The following ELP3 variants were observed in gnomAD, a reference collection of about 807,000 sequenced individuals.
ELP3 encodes elongator acetyltransferase complex subunit 3.
ELP3 carries 56 observed loss-of-function variants against 74.9 expected under a neutral mutation model. That is an observed-to-expected ratio of 0.75 (90% CI 0.60 to 0.93). The LOEUF is 0.93. ELP3 is among the 40% of genes least tolerant of loss of function. ELP3 has a pLI of 0.00. For missense variants in ELP3, 573 were observed against 686.5 expected (o/e 0.83, Z 1.85); for synonymous variants, 222 against 239.8 (o/e 0.93, Z 0.68).
At chr8:28,185,987 T>C (rs1815225354) in intron 14 of ELP3, among the ~76,000 whole-genome samples, 2 of 152,252 alleles carry the variant, frequency 1.3e-5, no homozygotes, top group Admixed American at 1.3e-4. Flanking sequence ...ATGATACTTT[T>C]AGTTAACAAG....
intron 7 of ELP3, among the ~76,000 whole-genome samples, chr8:28,126,421 A>G (rs1050662714): frequency 1.3e-4 from 20 of 152,316 alleles, no homozygotes; most frequent in African/African-American, 4.6e-4. Flanking sequence ...TGCCACTCCT[A>G]TGGCATACAG....
At chr8:28,167,447 C>T (rs947205520) in intron 14 of ELP3, among the ~76,000 whole-genome samples, 3 of 152,208 alleles carry the variant, frequency 2.0e-5, no homozygotes, top group Non-Finnish European at 4.4e-5. Flanking sequence ...GGCTACTACA[C>T]ATCTCCCTCA....
At chr8:28,110,953 C>T (rs1188970593) in intron 6 of ELP3, 1 of 155,314 alleles carries the variant, frequency 6.4e-6, no homozygotes, top group Non-Finnish European at 1.4e-5. Flanking sequence ...GTGGTGTGCA[C>T]CTGAAGTCTT....
chr8:28,101,469 C>T (rs1442672413), intron 3 of ELP3, among the ~76,000 whole-genome samples: 3 of 152,078 alleles, frequency 2.0e-5, no homozygotes, highest in Non-Finnish European at 4.4e-5. Context: ...GTCCATGCCC[C>T]TCACCTCCCT....
At position 28,127,157 on chromosome 8, in the gene ELP3, A is replaced by G. The variant is rs143171957; in HGVS notation, c.618-2345A>G. On this transcript the variant is annotated intron_variant, in intron 7 of 14. Coordinates refer to ENST00000256398, the MANE Select transcript of ELP3 (RefSeq NM_018091.6). The stretch of plus-strand genomic sequence containing the variant: ...AATAAGGTTTCCTTCTGTGGCCTGT[A>G]CTATATTCTGATGACTTATAAAGAG... Among the ~76,000 whole-genome samples the G allele has an allele frequency of 3.1e-3, 474 of 152,312 alleles. 3 individuals carry two copies. The highest frequency in any genetic ancestry group is 0.011 in the African/African-American group (453 of 41,574).
chr8:28,130,172 A>G (rs1328908634), intron 8 of ELP3, among the ~76,000 whole-genome samples: 2 of 152,242 alleles, frequency 1.3e-5, no homozygotes, highest in African/African-American at 2.4e-5. Context: ...CTCTAGAAGT[A>G]TATCTTTTAG....
At position 28,190,008 on chromosome 8, in the gene ELP3, C is replaced by G. The variant is rs1815396876; in HGVS notation, c.*283C>G. ...ATTTTGCATGAGGCCTGCAGGTGGC[C>G]TATTTTGACTCAGACGGTGAAAAAA... On this transcript the variant is annotated 3_prime_UTR_variant, in exon 15 of 15. Transcript: ENST00000256398. 1.3e-5 allele frequency: 4 copies of G among 309,486 alleles called. No homozygotes were observed. In the South Asian group the frequency reaches 2.5e-4, roughly 20 times the overall value. The allele number at this position is 309,486 out of a possible 1,614,324, so 19.2% of individuals were successfully genotyped here. A position where few individuals can be genotyped will look rare whatever the true frequency, so the allele number is the denominator to read the frequency against.
chr8:28,135,562 C>T (rs986693150), intron 9 of ELP3, among the ~76,000 whole-genome samples: 2 of 152,170 alleles, frequency 1.3e-5, no homozygotes, highest in Non-Finnish European at 2.9e-5. Context: ...CTAGACCTTC[C>T]TTTGTACCTG....
At position 28,103,976 on chromosome 8, in the gene ELP3, A is replaced by G. The variant is rs976657398; in HGVS notation, c.259-2737A>G. Among the ~76,000 whole-genome samples, 28 of 152,202 alleles carry G rather than the reference A, an allele frequency of 1.8e-4. 1 individual carries two copies. The highest frequency in any genetic ancestry group is 6.3e-4 in the African/African-American group (26 of 41,454). ...GCTCCTAGGCTCAAGGGATCCTCCC[A>G]GCTTGGTCTCCCAAAGTGCTGTGAT... On this transcript the variant is annotated intron_variant, in intron 3 of 14. Transcript: ENST00000256398.
At chr8:28,151,303 G>GT (rs1813633820) in intron 10 of ELP3, among the ~76,000 whole-genome samples, 1 of 93,434 alleles carries the variant, frequency 1.1e-5, no homozygotes, top group Non-Finnish European at 1.9e-5. Context: ...TGTTTCTTCA[G>GT]ATTTCCATCT....
intron 3 of ELP3, among the ~76,000 whole-genome samples, chr8:28,100,243 G>A (rs982877410): frequency 1.3e-5 from 2 of 152,188 alleles, no homozygotes; most frequent in Admixed American, 6.5e-5. Context: ...ATAAATGTTG[G>A]CCATCTTAAG....
chr8:28,111,824 G>A lies in ELP3; in HGVS notation c.463-1195G>A, dbSNP rs117975775. On this transcript the variant is annotated intron_variant, in intron 6 of 14. Coordinates refer to ENST00000256398, the MANE Select transcript of ELP3 (RefSeq NM_018091.6). ...TACCTGAGTAACTTCTCCAAAACGT[G>A]TCACATCTTCACCTCGGGAGGTTCT... Among the ~76,000 whole-genome samples the A allele has an allele frequency of 4.6e-3, 694 of 152,264 alleles. 5 individuals carry two copies. The highest frequency in any genetic ancestry group is 5.9e-3 in the Non-Finnish European group (402 of 68,022).
At position 28,113,160 on chromosome 8, in the gene ELP3, T is replaced by A. The variant is rs2130398145; in HGVS notation, c.604T>A (p.Tyr202Asn). 2.5e-6 allele frequency: 4 copies of A among 1,613,092 alleles called. No individual in the cohort carries two copies. In the East Asian group the frequency reaches 8.9e-5, roughly 36 times the overall value. ...ALSGHTSNNI[Y>N]EAVKYSERSL... ...ATCAGGACATACTTCCAACAATATT[T>A]ACGAGGCAGTCAAGTAAGAAATTCT... is the stretch of plus-strand genomic sequence containing the variant. Residue 202 changes from tyrosine (Y) to asparagine (N), a missense_variant, in exon 7 of 15, where the codon TAC becomes AAC. Coordinates refer to ENST00000256398, the MANE Select transcript of ELP3 (RefSeq NM_018091.6).
At chr8:28,170,582 A>G (rs1437979847) in intron 14 of ELP3, among the ~76,000 whole-genome samples, 1 of 152,132 alleles carries the variant, frequency 6.6e-6, no homozygotes, top group Non-Finnish European at 1.5e-5. Context: ...CTTCTAGGTA[A>G]TGGAACATAG....
At chr8:28,111,604 G>C (rs1463431842) in intron 6 of ELP3, among the ~76,000 whole-genome samples, 1 of 152,212 alleles carries the variant, frequency 6.6e-6, no homozygotes, top group Non-Finnish European at 1.5e-5. Context: ...CCATCTGGGG[G>C]AGCCCACATT....
chr8:28,173,268 A>G (rs748948813), intron 14 of ELP3, among the ~76,000 whole-genome samples: 84 of 151,904 alleles, frequency 5.5e-4, no homozygotes, highest in Non-Finnish European at 5.9e-4. Flanking sequence ...GCTTTTTCTT[A>G]TTGGGACATT....
chr8:28,126,141 G>C (rs1249798217), intron 7 of ELP3, among the ~76,000 whole-genome samples: 1 of 152,164 alleles, frequency 6.6e-6, no homozygotes, highest in Non-Finnish European at 1.5e-5. Context: ...TAACAAGGCT[G>C]ACTACTTGTA....
At chr8:28,129,164 C>G (rs1812696098) in intron 7 of ELP3, among the ~76,000 whole-genome samples, 1 of 152,066 alleles carries the variant, frequency 6.6e-6, no homozygotes, top group Non-Finnish European at 1.5e-5. Context: ...TCACTGCTTT[C>G]AAGGAGATTA....
chr8:28,172,361 C>T (rs1814563162), intron 14 of ELP3, among the ~76,000 whole-genome samples: 1 of 152,018 alleles, frequency 6.6e-6, no homozygotes, highest in African/African-American at 2.4e-5. Flanking sequence ...GCCAGTCTTG[C>T]ACCTCTTTGC....
Sources: gnomAD v4.1 joint callset for allele counts (sites outside exome capture counted in the v4.1 genomes callset) on GRCh38, gnomAD v4.1.1 for gene constraint, MANE v1.5 for transcripts, NCBI Gene and HGNC (gene_info 2026-07-23, HGNC 2026-07-21) for gene names.